Variants in DHRSX observed in about 807,000 individuals in gnomAD.
DHRSX encodes dehydrogenase/reductase X-linked, also known as polyprenol dehydrogenase.
In DHRSX, 31 loss-of-function variants were observed where a neutral mutation model predicts 34.0. The observed-to-expected ratio is 0.91, with a 90% CI of 0.69 to 1.23. The LOEUF (loss-of-function observed/expected upper bound fraction) is 1.23, where lower values mean the gene tolerates loss of function less well. Ranked by LOEUF, DHRSX falls within the 50% of genes most tolerant of loss-of-function variation. The probability of loss-of-function intolerance (pLI) is 0.00; values close to 1 mark genes in which losing one functional copy is unlikely to be tolerated. For missense variants in DHRSX, 414 were observed against 428.1 expected, an observed-to-expected ratio of 0.97 and a Z score of 0.29; for synonymous variants, 201 against 183.8, an observed-to-expected ratio of 1.09 and a Z score of -0.76.
At chrX:2,233,593 C>G (rs995308150) in intron 6 of DHRSX, among the ~76,000 whole-genome samples, 5 of 152,120 alleles carry the variant, frequency 3.3e-5, no homozygotes, top group African/African-American at 1.2e-4. Context: ...AGTGTTGGAG[C>G]TGCAAGCTAC....
intron 4 of DHRSX, among the ~76,000 whole-genome samples, chrX:2,287,249 A>C (rs1392886809): frequency 2.0e-5 from 3 of 152,156 alleles, no homozygotes; most frequent in Non-Finnish European, 4.4e-5. Context: ...TCATGACCCC[A>C]AAAATGCCCA....
intron 3 of DHRSX, among the ~76,000 whole-genome samples, chrX:2,301,883 G>A (rs761835893): frequency 5.9e-5 from 9 of 151,916 alleles, no homozygotes; most frequent in African/African-American, 2.2e-4. Context: ...TGATCTGCCC[G>A]CCTCGGCCTC....
chrX:2,484,038 C>G (rs1482648985), intron 1 of DHRSX, among the ~76,000 whole-genome samples: 1 of 152,190 alleles, frequency 6.6e-6, no homozygotes, highest in Non-Finnish European at 1.5e-5. Context: ...CGCAGTGGCA[C>G]GATCTTAGCT....
intron 4 of DHRSX, among the ~76,000 whole-genome samples, chrX:2,286,095 G>A (rs190857522): frequency 8.9e-4 from 135 of 152,164 alleles, no homozygotes; most frequent in African/African-American, 3.1e-3. Flanking sequence ...AACGCTGACT[G>A]TGTAGAATCC....
At chrX:2,284,652 A>C (rs941332090) in intron 4 of DHRSX, among the ~76,000 whole-genome samples, 2 of 152,232 alleles carry the variant, frequency 1.3e-5, no homozygotes, top group African/African-American at 4.8e-5. Flanking sequence ...GCATTATTAA[A>C]AATCTATCAA....
intron 3 of DHRSX, among the ~76,000 whole-genome samples, chrX:2,346,665 G>C (rs1014070777): frequency 5.8e-4 from 88 of 150,632 alleles, no homozygotes; most frequent in Admixed American, 1.9e-3. Flanking sequence ...TGTTGTTGTT[G>C]TTTAATACTT....
chrX:2,291,751 T>C, intron 3 of DHRSX, 148 bp from the exon 4 acceptor site: 1 of 656,678 alleles, frequency 1.5e-6, no homozygotes, highest in East Asian at 2.7e-5. Flanking sequence ...TCTCGCTCTG[T>C]TGACCGGGCT....
chrX:2,331,336 T>G (rs1454616699), intron 3 of DHRSX, among the ~76,000 whole-genome samples: 6 of 152,008 alleles, frequency 3.9e-5, no homozygotes, highest in Non-Finnish European at 8.8e-5. Context: ...ATTCACTTTT[T>G]CCCGATTTCT....
intron 6 of DHRSX, among the ~76,000 whole-genome samples, chrX:2,240,208 A>G (rs1168399202): frequency 6.6e-6 from 1 of 151,296 alleles, no homozygotes; most frequent in African/African-American, 2.4e-5. Context: ...CAGGAGAATC[A>G]CTTGAACCCA....
intron 1 of DHRSX, among the ~76,000 whole-genome samples, chrX:2,464,155 A>C (rs1162428772): frequency 1.3e-5 from 2 of 150,836 alleles, no homozygotes; most frequent in African/African-American, 4.9e-5. Flanking sequence ...GCTCCCTAAG[A>C]ATGCAGCGAA....
At chrX:2,380,036 C>T (rs1255823333) in intron 3 of DHRSX, among the ~76,000 whole-genome samples, 3 of 152,040 alleles carry the variant, frequency 2.0e-5, no homozygotes, top group South Asian at 2.1e-4. Flanking sequence ...TTCGCTCACA[C>T]CTGTAATCCC....
chrX:2,449,954 A>T (rs1326048582), intron 1 of DHRSX, among the ~76,000 whole-genome samples: 1 of 152,096 alleles, frequency 6.6e-6, no homozygotes, highest in Admixed American at 6.6e-5. Context: ...TTAATAAGCA[A>T]TTCTGAGAAG....
intron 5 of DHRSX, among the ~76,000 whole-genome samples, chrX:2,251,955 T>G (rs1602802133): frequency 6.6e-6 from 1 of 151,946 alleles, no homozygotes; most frequent in African/African-American, 2.4e-5. Context: ...TTGGAAGAAT[T>G]GGCTGGGTAT....
In DHRSX at chrX:2,221,049, T is replaced by A. The variant is rs1175733155; in HGVS notation, c.985A>T (p.Thr329Ser). The change falls in exon 7 of 7, where the codon ACC (threonine) becomes TCC (serine). Residue 329 changes from threonine to serine, a missense_variant. By Grantham distance (58) the Thr-to-Ser change is moderately conservative (BLOSUM62 1). Transcript: ENST00000334651. ...SCEMTGVLDV[T>S]L ...TATCCTGAGACAGGATATCACAGGGTCACATCAAGGACCCCAGTCATCTCA... is the reference window on the plus strand; with the variant it reads ...TATCCTGAGACAGGATATCACAGGGACACATCAAGGACCCCAGTCATCTCA... 2 of 1,613,590 alleles carry A rather than the reference T, an allele frequency of 1.2e-6. No individual in the cohort carries two copies. Among genetic ancestry groups the A allele is most frequent in the South Asian group, 1.1e-5 (1 of 91,068 alleles).
intron 3 of DHRSX, among the ~76,000 whole-genome samples, chrX:2,296,501 A>C (rs2041933314): frequency 1.3e-5 from 2 of 150,428 alleles, no homozygotes; most frequent in South Asian, 4.2e-4. Context: ...AATAGGACCC[A>C]GGCAGATAGA....
At chrX:2,353,385 G>GAA (rs2042810760) in intron 3 of DHRSX, among the ~76,000 whole-genome samples, 1 of 151,242 alleles carries the variant, frequency 6.6e-6, no homozygotes, top group Non-Finnish European at 1.5e-5. Flanking sequence ...AGTTGTGCAG[G>GAA]AAAAAAAGAA....
At chrX:2,282,670 AAAG>A (rs2041728729) in intron 4 of DHRSX, among the ~76,000 whole-genome samples, 1 of 129,376 alleles carries the variant, frequency 7.7e-6, no homozygotes, top group Non-Finnish European at 1.7e-5. Flanking sequence ...GAATGGGAGA[AAAG>A]GAGAGAGAGA....
intron 3 of DHRSX, among the ~76,000 whole-genome samples, chrX:2,318,353 A>G (rs1479502516): frequency 6.6e-6 from 1 of 151,368 alleles, no homozygotes; most frequent in Non-Finnish European, 1.5e-5. Context: ...CCAATCTCAA[A>G]AAAAAAAAAA....
At chrX:2,458,421 T>C (rs1420720730) in intron 1 of DHRSX, among the ~76,000 whole-genome samples, 2 of 152,048 alleles carry the variant, frequency 1.3e-5, no homozygotes, top group East Asian at 3.9e-4. Context: ...TTCCAAGATA[T>C]AGAATCAACC....
Sources: gnomAD v4.1 joint callset for allele counts (sites outside exome capture counted in the v4.1 genomes callset) on GRCh38, gnomAD v4.1.1 for gene constraint, MANE v1.5 for transcripts, NCBI Gene and HGNC (gene_info 2026-07-23, HGNC 2026-07-21) for gene names.